GALNT13: variants seen among roughly 807,000 people sequenced by gnomAD.
GALNT13 encodes the protein polypeptide N-acetylgalactosaminyltransferase 13, also known as UDP-GalNAc:polypeptide N-acetylgalactosaminyltransferase 13.
GALNT13 carries 28 observed loss-of-function variants against 64.2 expected under a neutral mutation model. The observed-to-expected ratio is 0.44, with a 90% CI of 0.32 to 0.60. GALNT13 has a LOEUF of 0.60. GALNT13 is among the 20% of genes least tolerant of loss of function. The pLI, the probability that GALNT13 is intolerant of heterozygous loss-of-function variation, is 0.05. For synonymous variants in GALNT13, 214 were observed against 224.6 expected, an observed-to-expected ratio of 0.95 and a Z score of 0.42; for missense variants, 577 against 669.8, an observed-to-expected ratio of 0.86 and a Z score of 1.53.
the GALNT13 span, among the ~76,000 whole-genome samples, chr2:153,833,436 C>A: frequency 6.6e-6 from 1 of 151,760 alleles, no homozygotes; most frequent in South Asian, 2.1e-4. Flanking sequence ...TTAATAAGAA[C>A]AAAAATTGTA....
the GALNT13 span, among the ~76,000 whole-genome samples, chr2:153,406,294 A>T: frequency 6.6e-6 from 1 of 152,140 alleles, no homozygotes; most frequent in Admixed American, 6.5e-5. Context: ...GTTCTTCCTT[A>T]AACTTTGAAG....
At chr2:153,251,216 T>C in the GALNT13 span, among the ~76,000 whole-genome samples, 5 of 152,208 alleles carry the variant, frequency 3.3e-5, no homozygotes, top group Admixed American at 1.3e-4. Flanking sequence ...CTGGTATATG[T>C]TACAAAATTA....
intron 3 of GALNT13, among the ~76,000 whole-genome samples, chr2:154,053,563 A>G (rs1175302910): frequency 6.6e-6 from 1 of 152,124 alleles, no homozygotes; most frequent in Admixed American, 6.5e-5. Context: ...AAAAAATTCT[A>G]TTTGCTTTTT....
the GALNT13 span, among the ~76,000 whole-genome samples, chr2:153,279,424 C>T: frequency 6.6e-6 from 1 of 152,032 alleles, no homozygotes; most frequent in Non-Finnish European, 1.5e-5. Context: ...AAATGGGCAT[C>T]CTTGTCTTGT....
intron 3 of GALNT13, among the ~76,000 whole-genome samples, chr2:153,969,194 A>G (rs1181146377): frequency 1.3e-5 from 2 of 152,000 alleles, no homozygotes; most frequent in Non-Finnish European, 2.9e-5. Flanking sequence ...CCATTTTTTG[A>G]GGATTAAAGA....
At chr2:153,388,150 C>T in the GALNT13 span, among the ~76,000 whole-genome samples, 1 of 151,940 alleles carries the variant, frequency 6.6e-6, no homozygotes, top group Non-Finnish European at 1.5e-5. Flanking sequence ...CTTAGTCAAC[C>T]TTTCCCTGTT....
intron 9 of GALNT13, among the ~76,000 whole-genome samples, chr2:154,372,375 C>T (rs923922371): frequency 5.3e-5 from 8 of 152,026 alleles, no homozygotes; most frequent in East Asian, 1.9e-4. Context: ...TGTGCGGCTG[C>T]AAATTTTTCC....
At chr2:153,425,810 C>T in the GALNT13 span, among the ~76,000 whole-genome samples, 1 of 151,806 alleles carries the variant, frequency 6.6e-6, no homozygotes, top group Non-Finnish European at 1.5e-5. Context: ...GCATGATGAA[C>T]AATTATAATC....
chr2:153,803,648 C>G, the GALNT13 span, among the ~76,000 whole-genome samples: 5 of 148,188 alleles, frequency 3.4e-5, no homozygotes, highest in Admixed American at 3.4e-4. Flanking sequence ...GCGGAGATAG[C>G]GCCACTGCAC....
At chr2:153,497,560 CAG>C in the GALNT13 span, among the ~76,000 whole-genome samples, 3 of 41,590 alleles carry the variant, frequency 7.2e-5, no homozygotes, top group African/African-American at 2.7e-4. Context: ...TTTTTTGAGA[CAG>C]AGTTTCACTC....
intron 7 of GALNT13, among the ~76,000 whole-genome samples, chr2:154,247,412 A>C (rs1282567810): frequency 1.3e-5 from 2 of 152,074 alleles, no homozygotes; most frequent in Non-Finnish European, 2.9e-5. Context: ...GAAAACTATC[A>C]GAATGCTTGA....
At chr2:154,081,243 A>T (rs1414684982) in intron 3 of GALNT13, among the ~76,000 whole-genome samples, 1 of 151,430 alleles carries the variant, frequency 6.6e-6, no homozygotes, top group East Asian at 1.9e-4. Context: ...TGTCACTTGT[A>T]TTTTTCTTTT....
At chr2:153,556,368 A>G in the GALNT13 span, among the ~76,000 whole-genome samples, 2 of 151,830 alleles carry the variant, frequency 1.3e-5, no homozygotes, top group Non-Finnish European at 2.9e-5. Context: ...TCAGAAAAAA[A>G]TCTTTAAAAT....
chr2:153,448,114 CTA>C, the GALNT13 span, among the ~76,000 whole-genome samples: 1 of 152,164 alleles, frequency 6.6e-6, no homozygotes, highest in African/African-American at 2.4e-5. Flanking sequence ...GTTTGTGCAT[CTA>C]TGTTTGGATT....
At chr2:153,661,406 C>A in the GALNT13 span, among the ~76,000 whole-genome samples, 8 of 152,202 alleles carry the variant, frequency 5.3e-5, no homozygotes, top group East Asian at 1.2e-3. Flanking sequence ...TCACAGTGAG[C>A]TTTAAATGTC....
chr2:153,557,280 C>G, the GALNT13 span, among the ~76,000 whole-genome samples: 1 of 152,166 alleles, frequency 6.6e-6, no homozygotes, highest in Non-Finnish European at 1.5e-5. Flanking sequence ...ACCATAAAGC[C>G]TAGGTGTGTA....
the GALNT13 span, among the ~76,000 whole-genome samples, chr2:153,672,175 T>G: frequency 2.0e-5 from 3 of 152,236 alleles, no homozygotes; most frequent in South Asian, 6.2e-4. Flanking sequence ...TATCTAGGAC[T>G]TGAACTCAGC....
the GALNT13 span, among the ~76,000 whole-genome samples, chr2:153,759,532 A>T: frequency 2.0e-5 from 3 of 152,226 alleles, no homozygotes; most frequent in East Asian, 5.8e-4. Context: ...GAATTTTGTC[A>T]AAAGCTTTTT....
chr2:154,028,816 TA>T (rs894803461), intron 3 of GALNT13, among the ~76,000 whole-genome samples: 1 of 151,858 alleles, frequency 6.6e-6, no homozygotes, highest in African/African-American at 2.4e-5. Context: ...TTTTTGAGGA[TA>T]AAAAAATAAT....
Sources: gnomAD v4.1 joint callset for allele counts (sites outside exome capture counted in the v4.1 genomes callset) on GRCh38, gnomAD v4.1.1 for gene constraint, MANE v1.5 for transcripts, NCBI Gene and HGNC (gene_info 2026-07-23, HGNC 2026-07-21) for gene names.